The following THSD7B variants were observed in gnomAD, a reference collection of about 807,000 sequenced individuals.
THSD7B encodes the protein thrombospondin type 1 domain containing 7B.
THSD7B carries 138 observed loss-of-function variants against 213.6 expected under a neutral mutation model. The ratio of observed to expected loss-of-function variants is 0.65; its 90% confidence interval spans 0.56 to 0.74. THSD7B has a LOEUF of 0.74. Among genes scored for constraint, THSD7B ranks in the 30% least tolerant of loss-of-function variants. The pLI is 0.00. For missense variants in THSD7B, 1,931 were observed against 1,991.5 expected (o/e 0.97, Z 0.58); for synonymous variants, 742 against 687.0 (o/e 1.08, Z -1.25).
chr2:137,321,051 C>T (rs1407116796), intron 12 of THSD7B, among the ~76,000 whole-genome samples: 1 of 152,202 alleles, frequency 6.6e-6, no homozygotes, highest in Non-Finnish European at 1.5e-5. Context: ...ACACCTACAC[C>T]ATAAAGTAGC....
intron 15 of THSD7B, among the ~76,000 whole-genome samples, chr2:137,534,182 C>T (rs1680459289): frequency 1.3e-5 from 2 of 151,484 alleles, no homozygotes; most frequent in South Asian, 4.2e-4. Flanking sequence ...AGTTTTAGTA[C>T]CATAAAATAG....
intron 14 of THSD7B, among the ~76,000 whole-genome samples, chr2:137,423,522 A>G (rs574476489): frequency 5.9e-4 from 90 of 152,206 alleles, no homozygotes; most frequent in African/African-American, 2.0e-3. Flanking sequence ...TGAAATTAAG[A>G]AAATAATTTC....
chr2:137,616,236 CA>C lies in THSD7B; in HGVS notation c.3487del (p.Arg1163GlyfsTer14), dbSNP rs770021019. On this transcript the variant is annotated frameshift_variant, in exon 18 of 28. Transcript: ENST00000409968. LOFTEE classifies it high-confidence loss of function. ...CACCTGCTAAGACCATCACTGAACT[CA>C]AGGACTTGTGCTGAAGACTCACAGG... ...TRHLLRPSLN[S>X]RTCAEDSQVQ... 1.9e-6 allele frequency: 3 copies of C among 1,613,840 alleles called. No individual in the cohort carries two copies. The highest frequency in any genetic ancestry group is 2.5e-6 in the Non-Finnish European group (3 of 1,179,774).
chr2:136,969,974 A>C (rs892159842), intron 2 of THSD7B, among the ~76,000 whole-genome samples: 1 of 152,238 alleles, frequency 6.6e-6, no homozygotes, highest in East Asian at 1.9e-4. Context: ...AAGGAATCTG[A>C]AGGAAGCGCA....
In THSD7B at chr2:137,676,758, G is replaced by C; in HGVS notation, c.*153G>C. 1 of 587,730 alleles carries C rather than the reference G, an allele frequency of 1.7e-6. No individual in the cohort carries two copies. The highest frequency in any genetic ancestry group is 2.7e-6 in the Non-Finnish European group (1 of 373,574). 36.4% of individuals were successfully genotyped at this position (587,730 alleles called of 1,614,324 possible). On this transcript the variant is annotated 3_prime_UTR_variant, in exon 28 of 28. Transcript: ENST00000409968. ...AAGTAATATTGCCTCAACTTCATTTGGACATGGAGTCAAGGATTATTAGGT... is the reference window on the plus strand; with the variant it reads ...AAGTAATATTGCCTCAACTTCATTTCGACATGGAGTCAAGGATTATTAGGT...
chr2:137,191,240 G>A (rs1431395912), intron 7 of THSD7B, among the ~76,000 whole-genome samples: 4 of 152,162 alleles, frequency 2.6e-5, no homozygotes, highest in Admixed American at 2.6e-4. Flanking sequence ...TCCATTGGTG[G>A]CGGGATTTGT....
intron 15 of THSD7B, among the ~76,000 whole-genome samples, chr2:137,533,957 T>G (rs1355538740): frequency 6.6e-6 from 1 of 151,684 alleles, no homozygotes; most frequent in African/African-American, 2.4e-5. Flanking sequence ...TATTCCAATA[T>G]CCTTTAAAAA....
intron 17 of THSD7B, among the ~76,000 whole-genome samples, chr2:137,601,583 T>C (rs1344925413): frequency 6.6e-6 from 1 of 152,152 alleles, no homozygotes; most frequent in Non-Finnish European, 1.5e-5. Flanking sequence ...AATGATGAAA[T>C]TGCCTAATGA....
chr2:137,110,752 GCCATGCACT>G (rs1296727837), intron 4 of THSD7B, among the ~76,000 whole-genome samples: 1 of 152,128 alleles, frequency 6.6e-6, no homozygotes, highest in African/African-American at 2.4e-5. Context: ...TGCAATTACA[GCCATGCACT>G]CCATAACATT....
At position 137,563,225 on chromosome 2, in the gene THSD7B, A is replaced by G. The variant is rs756534115; in HGVS notation, c.3143A>G (p.His1048Arg). 1 of 1,613,162 alleles carries G rather than the reference A, an allele frequency of 6.2e-7. No homozygotes were observed. The highest frequency in any genetic ancestry group is 2.2e-5 in the East Asian group (1 of 44,872). The change falls in exon 16 of 28, where the codon CAT (histidine) becomes CGT (arginine). Residue 1048 changes from histidine to arginine, a missense_variant. His to Arg is a conservative substitution (Grantham distance 29, BLOSUM62 0). Transcript: ENST00000409968. ...CPKLDLKNQV[H>R]EAVPCYSECN... is the part of the protein sequence containing the mutation. ...TTTCTTTCCTGTTCTTGACAGGTACATGAGGCAGTCCCATGTTACAGTGAG... is the reference window on the plus strand; with the variant it reads ...TTTCTTTCCTGTTCTTGACAGGTACGTGAGGCAGTCCCATGTTACAGTGAG...
At chr2:137,029,649 A>G (rs1686626354) in intron 2 of THSD7B, among the ~76,000 whole-genome samples, 1 of 152,148 alleles carries the variant, frequency 6.6e-6, no homozygotes, top group South Asian at 2.1e-4. Context: ...AATATGTATT[A>G]CCTCTCTAGA....
chr2:137,333,669 C>T (rs1026761353), intron 12 of THSD7B, among the ~76,000 whole-genome samples: 32 of 152,324 alleles, frequency 2.1e-4, no homozygotes, highest in African/African-American at 6.7e-4. Context: ...GTTTCACTTA[C>T]GAATTTGTGT....
At chr2:137,300,855 G>C (rs1240214171) in intron 12 of THSD7B, among the ~76,000 whole-genome samples, 4 of 152,096 alleles carry the variant, frequency 2.6e-5, no homozygotes, top group African/African-American at 9.7e-5. Context: ...CTCGTGTAGT[G>C]ACTGAGGAGA....
At chr2:137,660,158 T>C (rs909269168) in intron 25 of THSD7B, among the ~76,000 whole-genome samples, 16 of 152,180 alleles carry the variant, frequency 1.1e-4, no homozygotes, top group African/African-American at 3.9e-4. Context: ...TAGTTTATTT[T>C]AAATAAACTG....
intron 10 of THSD7B, among the ~76,000 whole-genome samples, chr2:137,264,458 C>G (rs894652671): frequency 6.6e-6 from 1 of 152,010 alleles, no homozygotes; most frequent in Non-Finnish European, 1.5e-5. Context: ...CTGTGTTAGC[C>G]GGGATGGTCT....
At chr2:137,490,212 C>T (rs1054857506) in intron 15 of THSD7B, among the ~76,000 whole-genome samples, 11 of 152,134 alleles carry the variant, frequency 7.2e-5, no homozygotes, top group African/African-American at 2.4e-4. Flanking sequence ...CAAATAAGAG[C>T]AAGCGACTTT....
chr2:137,440,769 G>A (rs895122208), intron 14 of THSD7B, among the ~76,000 whole-genome samples: 1 of 152,090 alleles, frequency 6.6e-6, no homozygotes, highest in African/African-American at 2.4e-5. Context: ...TAGGCAGTAG[G>A]TAAATCTACT....
chr2:137,372,059 G>C (rs1685543992), intron 12 of THSD7B, among the ~76,000 whole-genome samples: 1 of 152,130 alleles, frequency 6.6e-6, no homozygotes, highest in South Asian at 2.1e-4. Flanking sequence ...GCTCATACTA[G>C]CTTAAGAGTG....
intron 1 of THSD7B, among the ~76,000 whole-genome samples, chr2:136,804,066 T>A (rs1372764950): frequency 6.6e-6 from 1 of 152,170 alleles, no homozygotes; most frequent in Non-Finnish European, 1.5e-5. Flanking sequence ...ATCTGGCATC[T>A]CTTAGTCCAG....
Sources: gnomAD v4.1 joint callset for allele counts (sites outside exome capture counted in the v4.1 genomes callset) on GRCh38, gnomAD v4.1.1 for gene constraint, MANE v1.5 for transcripts, NCBI Gene and HGNC (gene_info 2026-07-23, HGNC 2026-07-21) for gene names.